GRIA4: variants seen among roughly 807,000 people sequenced by gnomAD.
The protein encoded by GRIA4 is glutamate receptor 4.
Under a neutral mutation model 104.0 loss-of-function variants are expected in GRIA4, and 34 were observed. That is an observed-to-expected ratio of 0.33 (90% CI 0.25 to 0.44). The LOEUF is 0.44. GRIA4 is among the 20% of genes least tolerant of loss of function. The pLI is 1.00. For synonymous variants in GRIA4, 386 were observed against 381.9 expected (o/e 1.01, Z -0.13); for missense variants, 750 against 1,096.5 (o/e 0.68, Z 4.46).
intron 7 of GRIA4, among the ~76,000 whole-genome samples, chr11:105,903,041 A>C (rs1042429009): frequency 6.6e-6 from 1 of 152,134 alleles, no homozygotes; most frequent in African/African-American, 2.4e-5. Context: ...TAATCTTAAT[A>C]ATCTTTTCTC....
chr11:105,664,920 T>C (rs926543181), intron 3 of GRIA4, among the ~76,000 whole-genome samples: 15 of 152,030 alleles, frequency 9.9e-5, no homozygotes, highest in African/African-American at 3.4e-4. Flanking sequence ...TTTGATTCTT[T>C]TTCCAAAAGA....
chr11:105,770,760 T>C (rs543349048), intron 4 of GRIA4, among the ~76,000 whole-genome samples: 20 of 152,208 alleles, frequency 1.3e-4, no homozygotes, highest in African/African-American at 4.1e-4. Context: ...TTCACAAATA[T>C]CAGCTGGACT....
chr11:105,977,640 G>T (rs138489506), intron 16 of GRIA4, among the ~76,000 whole-genome samples: 2 of 152,096 alleles, frequency 1.3e-5, no homozygotes, highest in Admixed American at 1.3e-4. Context: ...GATTACACTA[G>T]AAAGTTATTT....
chr11:105,926,990 G>A, intron 13 of GRIA4, 51 bp downstream of exon 13: 1 of 1,307,050 alleles, frequency 7.7e-7, no homozygotes, highest in South Asian at 1.2e-5. Flanking sequence ...TTGAAATTCA[G>A]GCAATTTTTC....
intron 11 of GRIA4, 84 bp downstream of exon 11, chr11:105,919,002 C>A (rs1947483612): frequency 5.0e-6 from 4 of 795,484 alleles, no homozygotes; most frequent in Non-Finnish European, 8.8e-6. Context: ...TTTTAAACGT[C>A]TATTATTGTT....
intron 14 of GRIA4, chr11:105,965,829 G>A (rs1858333374): frequency 2.6e-6 from 2 of 756,436 alleles, no homozygotes; most frequent in Non-Finnish European, 4.6e-6. Flanking sequence ...CTGCAGGATG[G>A]TAAAATGAGA....
chr11:105,654,181 G>A (rs1022581591), intron 3 of GRIA4, among the ~76,000 whole-genome samples: 4 of 151,900 alleles, frequency 2.6e-5, no homozygotes, highest in Non-Finnish European at 5.9e-5. Context: ...GGTTAGCAGA[G>A]GTTTGTGGGA....
intron 3 of GRIA4, among the ~76,000 whole-genome samples, chr11:105,693,954 A>G (rs1033154637): frequency 3.9e-5 from 6 of 152,188 alleles, no homozygotes; most frequent in Non-Finnish European, 8.8e-5. Context: ...AGAATTTTGC[A>G]AATTCATGAT....
At chr11:105,967,703 CAAAA>C (rs5794444) in intron 14 of GRIA4, among the ~76,000 whole-genome samples, 4 of 146,172 alleles carry the variant, frequency 2.7e-5, no homozygotes, top group Admixed American at 6.8e-5. Flanking sequence ...GTTTGTATAC[CAAAA>C]AAAAAAAAAA....
rs905809195 is a variant in GRIA4, at chr11:105,935,569, G to A, written c.2294+1600G>A. Among the ~76,000 whole-genome samples the A allele has an allele frequency of 4.6e-5, 7 of 152,032 alleles. No individual in the cohort carries two copies. In the South Asian group the frequency reaches 6.2e-4, roughly 14 times the overall value. ...GCGTGGTTTTTGAGAGCACCTTAGC[G>A]TAAATAATTTTTTAAAAATAGGAGG... On this transcript the variant is annotated intron_variant, in intron 14 of 16. Coordinates refer to ENST00000282499, the MANE Select transcript of GRIA4 (RefSeq NM_000829.4).
At chr11:105,699,036 T>G (rs957390263) in intron 3 of GRIA4, among the ~76,000 whole-genome samples, 11 of 152,236 alleles carry the variant, frequency 7.2e-5, no homozygotes, top group African/African-American at 2.7e-4. Context: ...ATTTCCTGTT[T>G]AAGAGTTTAT....
intron 3 of GRIA4, among the ~76,000 whole-genome samples, chr11:105,723,080 G>C (rs1469443998): frequency 1.3e-5 from 2 of 152,076 alleles, no homozygotes; most frequent in Non-Finnish European, 2.9e-5. Context: ...GATGGGTAAA[G>C]TTGAAGAAGT....
At chr11:105,915,393 A>T (rs1947370800) in intron 10 of GRIA4, among the ~76,000 whole-genome samples, 1 of 152,218 alleles carries the variant, frequency 6.6e-6, no homozygotes, top group Admixed American at 6.5e-5. Flanking sequence ...TCCAAAATAA[A>T]AAAGAAAGAA....
chr11:105,645,951 A>T (rs934251647), intron 3 of GRIA4, among the ~76,000 whole-genome samples: 2 of 152,188 alleles, frequency 1.3e-5, no homozygotes, highest in African/African-American at 4.8e-5. Context: ...GTAAAGAAAG[A>T]TTTCCTAGAA....
chr11:105,739,306 A>G (rs932251003), intron 3 of GRIA4, among the ~76,000 whole-genome samples: 2 of 152,262 alleles, frequency 1.3e-5, no homozygotes, highest in Middle Eastern at 3.4e-3. Context: ...GCTCTCAATT[A>G]GTTTAATTTA....
intron 3 of GRIA4, among the ~76,000 whole-genome samples, chr11:105,751,762 A>T (rs946519618): frequency 6.6e-6 from 1 of 152,204 alleles, no homozygotes; most frequent in African/African-American, 2.4e-5. Flanking sequence ...TGCACATAGA[A>T]AACTGTGTTA....
At position 105,878,659 on chromosome 11, in the gene GRIA4, C is replaced by G. The variant is rs556803216; in HGVS notation, c.673-8860C>G. ...AGGGAGTCTGGCTACAGTGGCTTTG[C>G]TGGGCTATGGTGTGCTCCGCCCAGT... is the stretch of plus-strand genomic sequence containing the variant. On this transcript the variant is annotated intron_variant, in intron 5 of 16. Coordinates refer to ENST00000282499, the MANE Select transcript of GRIA4 (RefSeq NM_000829.4). Among the ~76,000 whole-genome samples the G allele has an allele frequency of 2.2e-4, 34 of 152,316 alleles. No homozygotes were observed. The South Asian group carries it at 6.6e-3, about 30-fold the overall frequency.
At chr11:105,622,459 C>A (rs1950772425) in intron 3 of GRIA4, among the ~76,000 whole-genome samples, 1 of 151,846 alleles carries the variant, frequency 6.6e-6, no homozygotes, top group Non-Finnish European at 1.5e-5. Context: ...TGAGCTTGGA[C>A]AGAAATTCTG....
intron 3 of GRIA4, among the ~76,000 whole-genome samples, chr11:105,742,089 T>C (rs1232027298): frequency 6.6e-6 from 1 of 152,186 alleles, no homozygotes; most frequent in Non-Finnish European, 1.5e-5. Flanking sequence ...AGTTAGTGTG[T>C]TACATGTGTA....
Sources: gnomAD v4.1 joint callset for allele counts (sites outside exome capture counted in the v4.1 genomes callset) on GRCh38, gnomAD v4.1.1 for gene constraint, MANE v1.5 for transcripts, NCBI Gene and HGNC (gene_info 2026-07-23, HGNC 2026-07-21) for gene names.